Variants in SH3RF3 observed in about 807,000 individuals in gnomAD.
SH3RF3 encodes the protein E3 ubiquitin-protein ligase SH3RF3.
A neutral mutation model predicts 66.3 loss-of-function variants in SH3RF3; 29 were observed. The ratio of observed to expected loss-of-function variants is 0.44; its 90% CI spans 0.33 to 0.60. SH3RF3 has a LOEUF of 0.60. Ranked by LOEUF, SH3RF3 falls within the 20% of genes least tolerant of loss-of-function variation. The pLI is 0.04. For missense variants in SH3RF3, 1,194 were observed against 1,190.9 expected (o/e 1.00, Z -0.04); for synonymous variants, 583 against 532.0 (o/e 1.10, Z -1.32).
intron 1 of SH3RF3, among the ~76,000 whole-genome samples, chr2:109,187,141 T>C (rs573138153): frequency 6.7e-6 from 1 of 149,946 alleles, no homozygotes; most frequent in Admixed American, 6.7e-5. Context: ...GACACAGGAC[T>C]CTGTCCCCAC....
chr2:109,395,454 T>TG (rs1676116719), intron 3 of SH3RF3, among the ~76,000 whole-genome samples: 1 of 152,158 alleles, frequency 6.6e-6, no homozygotes, highest in Admixed American at 6.5e-5. Flanking sequence ...GCAGGGATGC[T>TG]GGGGATGCTG....
intron 8 of SH3RF3, among the ~76,000 whole-genome samples, chr2:109,471,452 C>T (rs1347978693): frequency 6.6e-6 from 1 of 152,132 alleles, no homozygotes; most frequent in East Asian, 1.9e-4. Context: ...ATCACAAGAA[C>T]AGCATGGGAG....
chr2:109,233,886 G>A (rs1326050643), intron 1 of SH3RF3, among the ~76,000 whole-genome samples: 1 of 152,352 alleles, frequency 6.6e-6, no homozygotes. Flanking sequence ...TCAGTAGGGT[G>A]TTCCTCTTTA....
rs1216626413 is a variant in SH3RF3, at chr2:109,502,940, G to A, written c.*1269G>A. ...CAGGCAGTGCAAACCTTCATCTGCT[G>A]GAGACCAGAGGTACAAGGAGATCAG... On this transcript the variant is annotated 3_prime_UTR_variant, in exon 10 of 10. Coordinates refer to ENST00000309415, the MANE Select transcript of SH3RF3 (RefSeq NM_001099289.3). 6.6e-6 allele frequency: 1 copy of A among 152,208 alleles called. No homozygotes were observed. 9.4% of individuals were successfully genotyped at this position (152,208 alleles called of 1,614,324 possible). A position where few individuals can be genotyped will look rare whatever the true frequency, so the allele number is the denominator to read the frequency against.
At chr2:109,160,930 C>G (rs1677473324) in intron 1 of SH3RF3, among the ~76,000 whole-genome samples, 1 of 152,126 alleles carries the variant, frequency 6.6e-6, no homozygotes, top group Admixed American at 6.5e-5. Flanking sequence ...GGATTAGAGC[C>G]TCAACCAGGG....
chr2:109,247,437 G>A (rs1574526922), intron 1 of SH3RF3, among the ~76,000 whole-genome samples: 2 of 152,192 alleles, frequency 1.3e-5, no homozygotes, highest in Non-Finnish European at 1.5e-5. Flanking sequence ...TGAACGTCAC[G>A]GCTCCTGACC....
At chr2:109,455,799 GT>G (rs1486846367) in intron 8 of SH3RF3, among the ~76,000 whole-genome samples, 3 of 152,194 alleles carry the variant, frequency 2.0e-5, no homozygotes, top group Non-Finnish European at 4.4e-5. Context: ...GCTTCTCCAG[GT>G]TTACCAGTGC....
At chr2:109,211,373 A>G (rs1360349062) in intron 1 of SH3RF3, among the ~76,000 whole-genome samples, 3 of 152,260 alleles carry the variant, frequency 2.0e-5, no homozygotes, top group Admixed American at 6.5e-5. Context: ...TGAAATTCAC[A>G]GAAGATGCTA....
At chr2:109,467,277 A>T (rs1037512517) in intron 8 of SH3RF3, among the ~76,000 whole-genome samples, 1 of 152,268 alleles carries the variant, frequency 6.6e-6, no homozygotes, top group Non-Finnish European at 1.5e-5. Flanking sequence ...ACAGTGGCTC[A>T]ACCCTGCAAA....
At chr2:109,322,351 A>G (rs370197604) in intron 1 of SH3RF3, among the ~76,000 whole-genome samples, 1 of 152,178 alleles carries the variant, frequency 6.6e-6, no homozygotes, top group African/African-American at 2.4e-5. Context: ...GAACATTTCA[A>G]CATGTGCCGA....
chr2:109,360,323 C>A (rs559918486), intron 2 of SH3RF3, among the ~76,000 whole-genome samples: 19 of 152,222 alleles, frequency 1.2e-4, no homozygotes, highest in African/African-American at 4.6e-4. Context: ...GCATATAAAT[C>A]CAGAGTCAGA....
intron 5 of SH3RF3, among the ~76,000 whole-genome samples, chr2:109,427,826 G>A (rs915681966): frequency 6.6e-6 from 1 of 152,280 alleles, no homozygotes; most frequent in Non-Finnish European, 1.5e-5. Flanking sequence ...GGCTGAGCCA[G>A]ACCATGATGT....
At chr2:109,288,887 G>T (rs72822692) in intron 1 of SH3RF3, among the ~76,000 whole-genome samples, 3 of 152,132 alleles carry the variant, frequency 2.0e-5, no homozygotes, top group African/African-American at 7.2e-5. Flanking sequence ...TAAAGAAAGC[G>T]GCACCAGTGT....
At chr2:109,486,559 T>C (rs1678983127) in intron 8 of SH3RF3, among the ~76,000 whole-genome samples, 1 of 152,230 alleles carries the variant, frequency 6.6e-6, no homozygotes, top group Non-Finnish European at 1.5e-5. Context: ...GATGCATTAG[T>C]CCTTTAAAAG....
intron 1 of SH3RF3, among the ~76,000 whole-genome samples, chr2:109,184,445 G>A (rs757279719): frequency 3.0e-4 from 46 of 152,312 alleles, no homozygotes; most frequent in East Asian, 5.8e-4. Context: ...TTGCTGTGGC[G>A]GGGCCCTGGG....
chr2:109,221,883 G>T, intron 1 of SH3RF3, among the ~76,000 whole-genome samples: 1 of 151,978 alleles, frequency 6.6e-6, no homozygotes, highest in East Asian at 1.9e-4. Flanking sequence ...AGAAATCAGT[G>T]TATCAAAGGG....
chr2:109,312,794 C>A (rs1681761604), intron 1 of SH3RF3, among the ~76,000 whole-genome samples: 1 of 152,204 alleles, frequency 6.6e-6, no homozygotes, highest in Non-Finnish European at 1.5e-5. Flanking sequence ...TGGGCTGTTT[C>A]CACCTTTTGG....
intron 1 of SH3RF3, among the ~76,000 whole-genome samples, chr2:109,338,031 C>T (rs954440467): frequency 6.6e-6 from 1 of 152,088 alleles, no homozygotes; most frequent in Non-Finnish European, 1.5e-5. Flanking sequence ...CGCGCCCAGG[C>T]TCCTTCTGTT....
intron 1 of SH3RF3, among the ~76,000 whole-genome samples, chr2:109,177,187 G>A (rs1677937963): frequency 6.6e-6 from 1 of 152,194 alleles, no homozygotes; most frequent in Non-Finnish European, 1.5e-5. Context: ...TCAGAATAAG[G>A]GGGACTGTGT....
Sources: allele counts gnomAD v4.1 joint callset (sites outside exome capture counted in the v4.1 genomes callset), GRCh38; gene constraint gnomAD v4.1.1; transcripts MANE v1.5; gene names NCBI Gene and HGNC (gene_info 2026-07-23, HGNC 2026-07-21).